SPIDR: variants seen among roughly 807,000 people sequenced by gnomAD.
SPIDR encodes scaffold protein involved in DNA repair, also known as DNA repair-scaffolding protein.
SPIDR carries 93 observed loss-of-function variants against 104.6 expected under a neutral mutation model. The ratio of observed to expected loss-of-function variants is 0.89; its 90% CI spans 0.75 to 1.06. SPIDR has a LOEUF of 1.06. Ranked by LOEUF, SPIDR falls within the 50% of genes least tolerant of loss-of-function variation. SPIDR has a pLI of 0.00. For synonymous variants in SPIDR, 431 were observed against 416.9 expected, an observed-to-expected ratio of 1.03 and a Z score of -0.41; for missense variants, 1,154 against 1,111.2, an observed-to-expected ratio of 1.04 and a Z score of -0.55.
chr8:47,661,504 T>G (rs1474467455), intron 10 of SPIDR, among the ~76,000 whole-genome samples: 3 of 152,362 alleles, frequency 2.0e-5, no homozygotes, highest in Admixed American at 2.0e-4. Flanking sequence ...ACTCAACTGC[T>G]TCCCAAAGTG....
At chr8:47,552,411 T>C (rs867695332) in intron 8 of SPIDR, among the ~76,000 whole-genome samples, 2 of 152,194 alleles carry the variant, frequency 1.3e-5, no homozygotes, top group Non-Finnish European at 2.9e-5. Flanking sequence ...AGTCTAAGTC[T>C]CTTTATAGGT....
At position 47,712,882 on chromosome 8, in the gene SPIDR, C is replaced by T. The variant is rs747907713; in HGVS notation, c.2188+10C>T. On this transcript the variant is annotated intron_variant, in intron 15 of 19. Transcript: ENST00000297423. ...GCTCTCCGTGACCAGGGTGTGCTTG[C>T]GTCTCCACAGCTTTGATGCAGGGGC... 2.5e-6 allele frequency: 4 copies of T among 1,613,752 alleles called. No homozygotes were observed. The South Asian group carries it at 3.3e-5, about 13-fold the overall frequency.
intron 8 of SPIDR, among the ~76,000 whole-genome samples, chr8:47,491,519 CTG>C (rs1288743254): frequency 6.6e-6 from 1 of 151,492 alleles, no homozygotes; most frequent in Non-Finnish European, 1.5e-5. Context: ...TTCTATAAGT[CTG>C]AAAGAATTTC....
At chr8:47,712,961 G>C in intron 15 of SPIDR, 89 bp downstream of exon 15, 3 of 1,563,672 alleles carry the variant, frequency 1.9e-6, no homozygotes, top group Non-Finnish European at 2.6e-6. Context: ...CCTCCTTGTT[G>C]CTTGGACGCT....
intron 8 of SPIDR, chr8:47,511,297 G>T: frequency 1.4e-6 from 2 of 1,421,526 alleles, no homozygotes; most frequent in Non-Finnish European, 2.0e-6. Context: ...GGAAGAGCTG[G>T]CTTTGGCTTC....
chr8:47,651,383 T>A (rs1252326559), intron 10 of SPIDR, among the ~76,000 whole-genome samples: 1 of 152,002 alleles, frequency 6.6e-6, no homozygotes, highest in Non-Finnish European at 1.5e-5. Context: ...AAATCCAAAT[T>A]AAAACCGCAG....
chr8:47,353,068 A>AG (rs2053859923), intron 5 of SPIDR, among the ~76,000 whole-genome samples: 1 of 151,782 alleles, frequency 6.6e-6, no homozygotes, highest in Non-Finnish European at 1.5e-5. Context: ...AAAAAAAAAA[A>AG]AAAAAAAGTT....
intron 8 of SPIDR, among the ~76,000 whole-genome samples, chr8:47,481,714 G>T (rs947532700): frequency 6.6e-6 from 1 of 152,200 alleles, no homozygotes; most frequent in Non-Finnish European, 1.5e-5. Context: ...AATTGTGGGA[G>T]ACCAGCCCAT....
At chr8:47,567,818 C>CTTTTTTTTTTTTTT (rs1554803932) in intron 8 of SPIDR, among the ~76,000 whole-genome samples, 1 of 81,470 alleles carries the variant, frequency 1.2e-5, no homozygotes. Flanking sequence ...CAGAGTCTTG[C>CTTTTTTTTTTTTTT]TTTGTCACCC....
intron 1 of SPIDR, among the ~76,000 whole-genome samples, chr8:47,262,132 A>C (rs550792634): frequency 6.6e-6 from 1 of 152,202 alleles, no homozygotes. Flanking sequence ...CATACATTGA[A>C]GTTAACTATA....
intron 8 of SPIDR, among the ~76,000 whole-genome samples, chr8:47,501,678 A>G (rs1231236712): frequency 1.3e-5 from 2 of 152,160 alleles, no homozygotes; most frequent in Admixed American, 6.5e-5. Context: ...TTCCAACACC[A>G]TGTTGAATAG....
rs1322435496 is a variant in SPIDR at position 47,633,761 on chromosome 8, T to TCATAA, written c.1544+34565_1544+34566insCATAA. On this transcript the variant is annotated intron_variant, in intron 10 of 19. Transcript: ENST00000297423. Reference sequence around the variant, plus strand: ...GGTATACTCAAAGTACAGGGCAGTATTATGGCTTGAAAAAAGCATAATGAA... The same window carrying TCATAA: ...GGTATACTCAAAGTACAGGGCAGTATCATAATATGGCTTGAAAAAAGCATAATGAA... Among the ~76,000 whole-genome samples, 4 of 152,070 alleles carry TCATAA rather than the reference T, an allele frequency of 2.6e-5. No individual in the cohort carries two copies. In the East Asian group the frequency reaches 7.7e-4, roughly 29 times the overall value.
intron 5 of SPIDR, among the ~76,000 whole-genome samples, chr8:47,303,521 C>A (rs999281598): frequency 7.0e-4 from 106 of 152,296 alleles, no homozygotes; most frequent in Non-Finnish European, 1.3e-3. Flanking sequence ...AGAAATCACC[C>A]GTCTTCTGCG....
chr8:47,564,111 G>A (rs1183524977), intron 8 of SPIDR, among the ~76,000 whole-genome samples: 5 of 116,646 alleles, frequency 4.3e-5, no homozygotes, highest in East Asian at 4.9e-4. Flanking sequence ...GCGGAGTCTC[G>A]CTCTGTCACC....
chr8:47,413,842 G>A (rs972839133), intron 7 of SPIDR, among the ~76,000 whole-genome samples: 8 of 152,182 alleles, frequency 5.3e-5, no homozygotes, highest in Non-Finnish European at 1.0e-4. Flanking sequence ...ACTGTAGGTT[G>A]AGTATATGCT....
At chr8:47,353,533 A>G (rs1364190597) in intron 5 of SPIDR, among the ~76,000 whole-genome samples, 1 of 152,132 alleles carries the variant, frequency 6.6e-6, no homozygotes, top group Non-Finnish European at 1.5e-5. Context: ...GCGTAGGTTT[A>G]GTGTGGTGGG....
At chr8:47,729,162 C>T (rs1315081658) in intron 18 of SPIDR, 115 bp downstream of exon 18, 53 of 1,535,572 alleles carry the variant, frequency 3.5e-5, no homozygotes, top group Non-Finnish European at 4.2e-5. Context: ...CGCTGGGACT[C>T]GGCTGGGATG....
rs1159494624 is a variant in SPIDR at position 47,673,815 on chromosome 8, T to C, written c.1559T>C (p.Val520Ala). ...DPAGTRACLL[V>A]QDACGMFGEV... ...GTTTTTTACAGAGCCTGCCTTCTGG[T>C]ACAAGATGCCTGTGGAATGTTCGGT... Residue 520 changes from valine (V) to alanine (A), a missense_variant, in exon 11 of 20, where the codon GTA becomes GCA. Coordinates refer to ENST00000297423, the MANE Select transcript of SPIDR (RefSeq NM_001080394.4). The C allele has an allele frequency of 6.2e-7, 1 of 1,614,154 alleles. No individual in the cohort carries two copies. Among genetic ancestry groups the C allele is most frequent in the Non-Finnish European group, 8.5e-7 (1 of 1,180,024 alleles).
intron 7 of SPIDR, among the ~76,000 whole-genome samples, chr8:47,437,361 G>A (rs2068537057): frequency 6.6e-6 from 1 of 151,096 alleles, no homozygotes; most frequent in African/African-American, 2.4e-5. Context: ...TTTTGTTCTT[G>A]CGATAGTTTA....
Sources: allele counts gnomAD v4.1 joint callset (sites outside exome capture counted in the v4.1 genomes callset), GRCh38; gene constraint gnomAD v4.1.1; transcripts MANE v1.5; gene names NCBI Gene and HGNC (gene_info 2026-07-23, HGNC 2026-07-21).